The following ST6GALNAC3 variants were observed in gnomAD, a reference collection of about 807,000 sequenced individuals.
The protein encoded by ST6GALNAC3 is ST6 N-acetylgalactosaminide alpha-2,6-sialyltransferase 3, also known as alpha-N-acetylgalactosaminide alpha-2,6-sialyltransferase 3.
In ST6GALNAC3, 25 loss-of-function variants were observed where a neutral mutation model predicts 32.7. That is an observed-to-expected ratio of 0.76 (90% CI 0.56 to 1.07). The LOEUF is 1.07. Ranked by LOEUF, ST6GALNAC3 falls within the 50% of genes least tolerant of loss-of-function variation. The pLI is 0.00. For missense variants in ST6GALNAC3, 355 were observed against 382.4 expected (o/e 0.93, Z 0.60); for synonymous variants, 129 against 133.1 (o/e 0.97, Z 0.21).
chr1:76,278,383 A>G (rs953441433), intron 1 of ST6GALNAC3, among the ~76,000 whole-genome samples: 20 of 151,858 alleles, frequency 1.3e-4, no homozygotes, highest in African/African-American at 2.4e-4. Context: ...CACCATGCCC[A>G]GCTAATTTTT....
At chr1:76,420,349 A>T (rs1654947574) in intron 3 of ST6GALNAC3, among the ~76,000 whole-genome samples, 1 of 152,040 alleles carries the variant, frequency 6.6e-6, no homozygotes, top group Non-Finnish European at 1.5e-5. Flanking sequence ...TTGTAGTTGG[A>T]TCCTAACTTT....
intron 3 of ST6GALNAC3, among the ~76,000 whole-genome samples, chr1:76,534,396 C>A (rs1190463278): frequency 6.6e-6 from 1 of 152,132 alleles, no homozygotes; most frequent in Non-Finnish European, 1.5e-5. Flanking sequence ...TGGTAGGCAA[C>A]CACCACCTTT....
chr1:76,401,075 T>C (rs551259822), intron 2 of ST6GALNAC3, among the ~76,000 whole-genome samples: 14 of 152,278 alleles, frequency 9.2e-5, no homozygotes, highest in African/African-American at 3.1e-4. Context: ...TTGAGCCTTT[T>C]GAATCACTGA....
At chr1:76,559,356 C>T (rs1195988408) in intron 3 of ST6GALNAC3, among the ~76,000 whole-genome samples, 1 of 152,186 alleles carries the variant, frequency 6.6e-6, no homozygotes, top group East Asian at 1.9e-4. Flanking sequence ...CCATACCTCA[C>T]ACAACCCTCC....
At chr1:76,593,633 A>G (rs2100595528) in intron 3 of ST6GALNAC3, among the ~76,000 whole-genome samples, 1 of 152,350 alleles carries the variant, frequency 6.6e-6, no homozygotes, top group South Asian at 2.1e-4. Flanking sequence ...CAAGAGTGTT[A>G]GAATTGCTTC....
chr1:76,378,568 A>G (rs1274398972), intron 2 of ST6GALNAC3, among the ~76,000 whole-genome samples: 1 of 151,950 alleles, frequency 6.6e-6, no homozygotes, highest in Admixed American at 6.6e-5. Context: ...AGGCTGAGAC[A>G]GGAGAATTGC....
At chr1:76,109,629 C>G (rs1307066524) in intron 1 of ST6GALNAC3, among the ~76,000 whole-genome samples, 1 of 152,234 alleles carries the variant, frequency 6.6e-6, no homozygotes, top group East Asian at 1.9e-4. Context: ...TCTGGCGGAT[C>G]TGTTCTCAGG....
chr1:76,471,402 AAT>A (rs928305514), intron 3 of ST6GALNAC3, among the ~76,000 whole-genome samples: 1 of 152,110 alleles, frequency 6.6e-6, no homozygotes, highest in Non-Finnish European at 1.5e-5. Context: ...AGTGCTTAAA[AAT>A]ATGTTTTTCT....
At chr1:76,578,412 G>C (rs986323953) in intron 3 of ST6GALNAC3, among the ~76,000 whole-genome samples, 1 of 152,012 alleles carries the variant, frequency 6.6e-6, no homozygotes, top group African/African-American at 2.4e-5. Context: ...TTGTTGGCTT[G>C]TGTTGTCTTG....
intron 1 of ST6GALNAC3, among the ~76,000 whole-genome samples, chr1:76,201,056 A>G (rs1008729898): frequency 6.3e-5 from 8 of 127,430 alleles, no homozygotes; most frequent in African/African-American, 2.5e-4. Flanking sequence ...CAGCAGTGTG[A>G]AAAAAAAAGA....
At chr1:76,111,785 C>T (rs1647964351) in intron 1 of ST6GALNAC3, among the ~76,000 whole-genome samples, 1 of 150,928 alleles carries the variant, frequency 6.6e-6, no homozygotes, top group Admixed American at 6.6e-5. Flanking sequence ...GATCCCAAGG[C>T]AGAAGAATTT....
At position 76,419,040 on chromosome 1, in the gene ST6GALNAC3, CAT is replaced by C. The variant is rs1654845631; in HGVS notation, c.623+6624_623+6625del. 2.7e-5 allele frequency among the ~76,000 whole-genome samples: 4 copies of C among 146,750 alleles called. No individual in the cohort carries two copies. The South Asian group carries it at 8.7e-4, about 32-fold the overall frequency. On this transcript the variant is annotated intron_variant, in intron 3 of 4. Coordinates refer to ENST00000328299, the MANE Select transcript of ST6GALNAC3 (RefSeq NM_152996.4). ...CCTTTCATGTGTTTAAAAACACCCT[CAT>C]GTGCACACACACACACACACACACA... is the stretch of plus-strand genomic sequence containing the variant.
At position 76,454,721 on chromosome 1, in the gene ST6GALNAC3, C is replaced by A. The variant is rs142113978; in HGVS notation, c.623+42304C>A. Among the ~76,000 whole-genome samples, 430 of 152,182 alleles carry A rather than the reference C, an allele frequency of 2.8e-3. 2 individuals carry two copies. The highest frequency in any genetic ancestry group is 5.1e-3 in the Non-Finnish European group (349 of 67,980). On this transcript the variant is annotated intron_variant, in intron 3 of 4. Transcript: ENST00000328299. ...TGCCTCATGGCTTTTAAGATTCTTT[C>A]CTTTCATCTTGACTTTAGATACCCT...
At chr1:76,217,687 G>C (rs1655544133) in intron 1 of ST6GALNAC3, among the ~76,000 whole-genome samples, 1 of 152,142 alleles carries the variant, frequency 6.6e-6, no homozygotes, top group Non-Finnish European at 1.5e-5. Context: ...TTTCTCCTGA[G>C]TCCCCAAAGT....
downstream of ST6GALNAC3, among the ~76,000 whole-genome samples, chr1:76,635,638 A>C (rs377171878): frequency 5.3e-5 from 8 of 152,162 alleles, no homozygotes; most frequent in East Asian, 1.5e-3. Context: ...GCTTAAGAGA[A>C]TAAGATTTGT....
At chr1:76,143,413 G>GTGTGTGTGTT in intron 1 of ST6GALNAC3, among the ~76,000 whole-genome samples, 1 of 151,906 alleles carries the variant, frequency 6.6e-6, no homozygotes, top group Middle Eastern at 3.4e-3. Flanking sequence ...GTGTGTGTGT[G>GTGTGTGTGTT]TGTGTGTGTG....
rs1661621614 is a variant in ST6GALNAC3, at chr1:76,508,496, T to A, written c.623+96079T>A. 3.3e-5 allele frequency among the ~76,000 whole-genome samples: 5 copies of A among 151,478 alleles called. 1 individual carries two copies. The South Asian group carries it at 1.0e-3, about 32-fold the overall frequency. On this transcript the variant is annotated intron_variant, in intron 3 of 4. Transcript: ENST00000328299. ...TCTGTGGACAGGACAGCTCCCAGAG[T>A]CTGCACAGAAAGACCTAGGAAGGCA... is the stretch of plus-strand genomic sequence containing the variant.
At chr1:76,494,592 A>C (rs1050675565) in intron 3 of ST6GALNAC3, among the ~76,000 whole-genome samples, 1 of 115,580 alleles carries the variant, frequency 8.7e-6, no homozygotes, top group Non-Finnish European at 1.7e-5. Context: ...CACTTTCCCT[A>C]CTTTCTTCCA....
At chr1:76,623,216 C>T (rs773433285) in intron 3 of ST6GALNAC3, among the ~76,000 whole-genome samples, 9 of 152,056 alleles carry the variant, frequency 5.9e-5, no homozygotes, top group South Asian at 2.1e-4. Flanking sequence ...AAGGTCTTGA[C>T]GGCATCATTT....
Sources: gnomAD v4.1 joint callset for allele counts (sites outside exome capture counted in the v4.1 genomes callset) on GRCh38, gnomAD v4.1.1 for gene constraint, MANE v1.5 for transcripts, NCBI Gene and HGNC (gene_info 2026-07-23, HGNC 2026-07-21) for gene names.